The following MTSS1 variants were observed in gnomAD, a reference collection of about 807,000 sequenced individuals.
MTSS1 encodes the protein MTSS I-BAR domain containing 1, also known as protein MTSS 1.
MTSS1 carries 18 observed loss-of-function variants against 79.0 expected under a neutral mutation model. That is an observed-to-expected ratio of 0.23 (90% CI 0.16 to 0.34). The LOEUF (loss-of-function observed/expected upper bound fraction) is 0.34, where lower values mean the gene tolerates loss of function less well. Among genes scored for constraint, MTSS1 ranks in the 10% least tolerant of loss-of-function variants. The probability of loss-of-function intolerance (pLI) is 1.00; values close to 1 mark genes in which losing one functional copy is unlikely to be tolerated. For synonymous variants in MTSS1, 341 were observed against 368.6 expected (o/e 0.93, Z 0.86); for missense variants, 815 against 986.2 (o/e 0.83, Z 2.33).
chr8:124,578,562 A>G (rs1477049110), intron 6 of MTSS1, among the ~76,000 whole-genome samples: 1 of 151,944 alleles, frequency 6.6e-6, no homozygotes, highest in Non-Finnish European at 1.5e-5. Context: ...TGGGAGGCCA[A>G]GGCAACAGGA....
At position 124,680,046 on chromosome 8, in the gene MTSS1, A is replaced by G. The variant is rs192645396; in HGVS notation, c.208+19480T>C. ...AATACTAGGGTGAGCAAAATGTTAAATCAGGTTCTCTTGATCATTATGTAT... is the reference window on the plus strand; with the variant it reads ...AATACTAGGGTGAGCAAAATGTTAAGTCAGGTTCTCTTGATCATTATGTAT... On this transcript the variant is annotated intron_variant, in intron 3 of 13. Transcript: ENST00000518547. 5.6e-3 allele frequency among the ~76,000 whole-genome samples: 846 copies of G among 152,262 alleles called. 6 individuals carry two copies. Among genetic ancestry groups the G allele is most frequent in the South Asian group, 0.022 (108 of 4,824 alleles).
At chr8:124,599,075 TC>T (rs1235481256) in intron 3 of MTSS1, among the ~76,000 whole-genome samples, 8 of 152,150 alleles carry the variant, frequency 5.3e-5, no homozygotes, top group Admixed American at 4.6e-4. Flanking sequence ...CAGTGGTTGC[TC>T]CCTCCCCATT....
intron 3 of MTSS1, among the ~76,000 whole-genome samples, chr8:124,634,233 G>T (rs527785203): frequency 1.3e-5 from 2 of 151,434 alleles, no homozygotes; most frequent in Non-Finnish European, 2.9e-5. Flanking sequence ...CCTGAACCTT[G>T]CAAGTAGCTG....
At chr8:124,654,747 T>A (rs998075490) in intron 3 of MTSS1, among the ~76,000 whole-genome samples, 2 of 152,152 alleles carry the variant, frequency 1.3e-5, no homozygotes, top group Non-Finnish European at 2.9e-5. Context: ...CTGACAAGCA[T>A]AATGTAATGT....
chr8:124,689,871 G>C (rs1265076976), intron 3 of MTSS1, among the ~76,000 whole-genome samples: 1 of 152,118 alleles, frequency 6.6e-6, no homozygotes, highest in Non-Finnish European at 1.5e-5. Flanking sequence ...AGTGGGGATG[G>C]GGTGGGGTAT....
At position 124,683,718 on chromosome 8, in the gene MTSS1, A is replaced by G. The variant is rs1826504555; in HGVS notation, c.208+15808T>C. Among the ~76,000 whole-genome samples the G allele has an allele frequency of 6.6e-6, 1 of 152,212 alleles. No homozygotes were observed. Among genetic ancestry groups the G allele is most frequent in the Non-Finnish European group, 1.5e-5 (1 of 68,036 alleles). On this transcript the variant is annotated intron_variant, in intron 3 of 13. Transcript: ENST00000518547. This position sits in a 1 kb window ranked among gnomAD's most constrained non-coding sequence, Gnocchi z 4.5. ...ACCATCTTACTGACATGGTCAACCA[A>G]TGGCTGAGCAGACACACTCAGGACC...
intron 3 of MTSS1, among the ~76,000 whole-genome samples, chr8:124,636,607 CTCTGTGTCCATTTA>C (rs75838901): frequency 0.18 from 27,775 of 152,014 alleles, 2,804 homozygotes; most frequent in African/African-American, 0.28. Flanking sequence ...GCCTGACTGC[CTCTGTGTCCATTTA>C]TCTATGATCA....
At chr8:124,684,779 C>T (rs962112463) in intron 3 of MTSS1, among the ~76,000 whole-genome samples, 5 of 152,046 alleles carry the variant, frequency 3.3e-5, no homozygotes, top group Non-Finnish European at 4.4e-5. Context: ...AAGTAGAAAA[C>T]CCCTTGAAAA....
chr8:124,626,111 G>A (rs1394493811), intron 3 of MTSS1, among the ~76,000 whole-genome samples: 1 of 152,202 alleles, frequency 6.6e-6, no homozygotes, highest in African/African-American at 2.4e-5. Context: ...GAAAAGGATG[G>A]TCATAATGAG....
At chr8:124,663,036 C>G (rs1394975933) in intron 3 of MTSS1, among the ~76,000 whole-genome samples, 2 of 152,102 alleles carry the variant, frequency 1.3e-5, no homozygotes, top group Non-Finnish European at 2.9e-5. Flanking sequence ...GTATCTGGGC[C>G]CCACTCCCCA....
intron 9 of MTSS1, 108 bp from the exon 10 acceptor site, chr8:124,563,100 A>G: frequency 2.1e-6 from 2 of 933,864 alleles, no homozygotes; most frequent in Admixed American, 2.3e-5. Flanking sequence ...AAGAGAGAGA[A>G]GCACAACATA....
At chr8:124,593,713 C>T (rs74377016) in intron 3 of MTSS1, among the ~76,000 whole-genome samples, 6,553 of 152,284 alleles carry the variant, frequency 0.043, 239 homozygotes, top group Non-Finnish European at 0.06. Context: ...AGTACTGTGA[C>T]CATCCCATGT....
intron 3 of MTSS1, among the ~76,000 whole-genome samples, chr8:124,663,833 AG>A (rs1174364262): frequency 6.6e-6 from 1 of 152,204 alleles, no homozygotes; most frequent in East Asian, 1.9e-4. Context: ...ACACACACAT[AG>A]ACAGAAAGTT....
At chr8:124,611,107 C>CG (rs746115770) in intron 3 of MTSS1, among the ~76,000 whole-genome samples, 8 of 59,246 alleles carry the variant, frequency 1.4e-4, no homozygotes, top group African/African-American at 9.1e-4. Context: ...ACCAGACAGA[C>CG]CCCCCCCCCC....
rs1823863771 is a variant in MTSS1, at chr8:124,556,618, TC to T, written c.1231-214del. 5 of 587,158 alleles carry T rather than the reference TC, an allele frequency of 8.5e-6. No homozygotes were observed. In the East Asian group the frequency reaches 1.5e-4, roughly 17 times the overall value. The allele number at this position is 587,158 out of a possible 1,614,324, so 36.4% of individuals were successfully genotyped here. ...AGCCCCCTGTGTACCTCCCTTTTCC[TC>T]GTCTCTGCCCAAAGATTAAAAACCC... On this transcript the variant is annotated intron_variant, in intron 11 of 13. Transcript: ENST00000518547.
intron 6 of MTSS1, among the ~76,000 whole-genome samples, chr8:124,569,366 C>T (rs1827254503): frequency 6.6e-6 from 1 of 152,200 alleles, no homozygotes; most frequent in African/African-American, 2.4e-5. Context: ...CATTTATTTA[C>T]CATATTGCCT....
At chr8:124,645,664 C>T (rs1203834103) in intron 3 of MTSS1, among the ~76,000 whole-genome samples, 1 of 152,090 alleles carries the variant, frequency 6.6e-6, no homozygotes, top group Non-Finnish European at 1.5e-5. Context: ...CTCATTTTCT[C>T]GGTTGACGCT....
In MTSS1 at chr8:124,575,586, T is replaced by C. The variant is rs190191705; in HGVS notation, c.461-7050A>G. ...GGTAGGGTGGGTTTTTTGTTGTTGT[T>C]GTTTGTTTGTTTGTTTTTTAAAGAG... On this transcript the variant is annotated intron_variant, in intron 6 of 13. Transcript: ENST00000518547. Among the ~76,000 whole-genome samples the C allele has an allele frequency of 6.6e-5, 10 of 151,874 alleles. No individual in the cohort carries two copies. In the East Asian group the frequency reaches 1.9e-3, roughly 29 times the overall value.
intron 1 of MTSS1, among the ~76,000 whole-genome samples, chr8:124,722,180 T>C (rs1833044363): frequency 6.6e-6 from 1 of 152,124 alleles, no homozygotes; most frequent in South Asian, 2.1e-4. Flanking sequence ...TTAGAACCTA[T>C]GACCAAGGCC....
Sources: gnomAD v4.1 joint callset for allele counts (sites outside exome capture counted in the v4.1 genomes callset) on GRCh38, gnomAD v4.1.1 for gene constraint, Gnocchi (gnomAD v3.1) non-coding constraint, MANE v1.5 for transcripts, NCBI Gene and HGNC (gene_info 2026-07-23, HGNC 2026-07-21) for gene names.